Variants in TEC observed in about 807,000 individuals in gnomAD.
TEC encodes the protein tec protein tyrosine kinase, also known as tyrosine-protein kinase Tec.
In TEC, 72 loss-of-function variants were observed where a neutral mutation model predicts 93.0. That is an observed-to-expected ratio of 0.77 (90% CI 0.64 to 0.94). TEC has a LOEUF of 0.94. Among genes scored for constraint, TEC ranks in the 40% least tolerant of loss-of-function variants. The pLI, the probability that TEC is intolerant of heterozygous loss-of-function variation, is 0.00. For missense variants in TEC, 630 were observed against 757.9 expected (o/e 0.83, Z 1.98); for synonymous variants, 249 against 247.7 (o/e 1.01, Z -0.05).
At chr4:48,143,932 A>G (rs1464271869) in intron 14 of TEC, among the ~76,000 whole-genome samples, 1 of 152,236 alleles carries the variant, frequency 6.6e-6, no homozygotes, top group Non-Finnish European at 1.5e-5. Context: ...ACTTTAAAAA[A>G]TGTTTTGCTA....
chr4:48,159,477 C>G (rs1169452359), intron 8 of TEC, among the ~76,000 whole-genome samples: 1 of 152,150 alleles, frequency 6.6e-6, no homozygotes, highest in Non-Finnish European at 1.5e-5. Context: ...ACTGCAACCT[C>G]CACCTCCTGG....
At position 48,167,875 on chromosome 4, in the gene TEC, C is replaced by T. The variant is rs1407485278; in HGVS notation, c.574G>A (p.Ala192Thr). 2.5e-6 allele frequency: 4 copies of T among 1,613,744 alleles called. No homozygotes were observed. The highest frequency in any genetic ancestry group is 3.4e-6 in the Non-Finnish European group (4 of 1,179,904). The change falls in exon 7 of 18, where the codon GCA becomes ACA. Residue 192 changes from alanine (A) to threonine (T), a missense_variant. By Grantham distance (58) the Ala-to-Thr change is moderately conservative. Coordinates refer to ENST00000381501, the MANE Select transcript of TEC (RefSeq NM_003215.3). ...AATCTGAGATCATGTCCTTCTGCTG[C>T]TTGGAAATCATACATGGCTACAACG... ...EIVVAMYDFQ[A>T]AEGHDLRLER... is the part of the protein sequence containing the mutation.
chr4:48,168,457 A>G (rs1471365287), intron 6 of TEC, 129 bp downstream of exon 6: 2 of 949,770 alleles, frequency 2.1e-6, no homozygotes, highest in Non-Finnish European at 3.2e-6. Context: ...TTCTGAGACG[A>G]TCCTAGGGAA....
At chr4:48,143,362 C>G (rs563244809) in intron 14 of TEC, among the ~76,000 whole-genome samples, 3 of 152,154 alleles carry the variant, frequency 2.0e-5, no homozygotes, top group African/African-American at 7.2e-5. Flanking sequence ...GCCACACCCA[C>G]GTAGATACTC....
intron 2 of TEC, among the ~76,000 whole-genome samples, chr4:48,223,030 T>A (rs557521375): frequency 2.0e-5 from 3 of 152,154 alleles, no homozygotes; most frequent in African/African-American, 4.8e-5. Context: ...ACAGATCAGA[T>A]GTGTGTTGGG....
intron 1 of TEC, among the ~76,000 whole-genome samples, chr4:48,237,486 TGA>T (rs1220391343): frequency 6.6e-6 from 1 of 152,010 alleles, no homozygotes; most frequent in Non-Finnish European, 1.5e-5. Flanking sequence ...AAAGTGACTG[TGA>T]GTTACCAAAT....
intron 2 of TEC, among the ~76,000 whole-genome samples, chr4:48,215,786 TAG>T (rs1723058284): frequency 2.0e-5 from 3 of 152,162 alleles, no homozygotes; most frequent in African/African-American, 7.2e-5. Flanking sequence ...TGTATAGAAT[TAG>T]AGTCCTTATC....
At chr4:48,149,491 A>G (rs757157796) in intron 11 of TEC, 66 bp downstream of exon 11, 37 of 1,432,060 alleles carry the variant, frequency 2.6e-5, no homozygotes, top group Non-Finnish European at 3.4e-5. Flanking sequence ...TCAAGGAATT[A>G]ATCACAGTAT....
chr4:48,187,293 C>T (rs1026756469), intron 2 of TEC, among the ~76,000 whole-genome samples: 3 of 152,124 alleles, frequency 2.0e-5, no homozygotes, highest in Admixed American at 6.5e-5. Flanking sequence ...ACAAACATTG[C>T]GGAAGGCCGC....
chr4:48,245,815 A>G (rs1359243136), intron 1 of TEC, among the ~76,000 whole-genome samples: 1 of 152,200 alleles, frequency 6.6e-6, no homozygotes, highest in Non-Finnish European at 1.5e-5. Context: ...GCTACATTAA[A>G]AACATTTACT....
At chr4:48,187,024 G>A (rs4695353) in intron 2 of TEC, among the ~76,000 whole-genome samples, 3,453 of 152,368 alleles carry the variant, frequency 0.023, 144 homozygotes, top group African/African-American at 0.08. Flanking sequence ...AGAGAGATCA[G>A]ATTGTTACTG....
At chr4:48,171,777 A>G (rs73244493) in intron 3 of TEC, among the ~76,000 whole-genome samples, 15 of 152,370 alleles carry the variant, frequency 9.8e-5, no homozygotes, top group Non-Finnish European at 2.1e-4. Context: ...ATAATATTTT[A>G]GATGAATGGA....
intron 2 of TEC, among the ~76,000 whole-genome samples, chr4:48,203,906 T>C (rs936228417): frequency 1.3e-5 from 2 of 152,172 alleles, no homozygotes; most frequent in Non-Finnish European, 2.9e-5. Context: ...GAGCTGAGTA[T>C]CCATGGGAAT....
intron 1 of TEC, among the ~76,000 whole-genome samples, chr4:48,231,798 G>A (rs965270060): frequency 5.9e-5 from 9 of 152,084 alleles, no homozygotes; most frequent in Non-Finnish European, 8.8e-5. Context: ...AAGAGCAAGC[G>A]ATGCTCTCAT....
At chr4:48,265,395 G>GTATATATA (rs1241380884) in intron 1 of TEC, among the ~76,000 whole-genome samples, 65 of 146,234 alleles carry the variant, frequency 4.4e-4, no homozygotes, top group East Asian at 4.4e-3. Flanking sequence ...ATATGTGTGT[G>GTATATATA]TATATGTATA....
At chr4:48,184,906 A>T (rs535203314) in intron 2 of TEC, among the ~76,000 whole-genome samples, 2 of 152,324 alleles carry the variant, frequency 1.3e-5, no homozygotes, top group South Asian at 4.1e-4. Context: ...CCTGTGGCTA[A>T]CATTCATTGC....
At chr4:48,183,729 C>T (rs777857019) in intron 2 of TEC, among the ~76,000 whole-genome samples, 1 of 152,182 alleles carries the variant, frequency 6.6e-6, no homozygotes, top group East Asian at 1.9e-4. Flanking sequence ...TGTGGGACTT[C>T]TCAGCCTCCA....
chr4:48,223,188 A>G (rs1723322941), intron 2 of TEC, among the ~76,000 whole-genome samples: 2 of 152,372 alleles, frequency 1.3e-5, no homozygotes, highest in South Asian at 2.1e-4. Context: ...ATTATTTTAT[A>G]AAGTCCAATG....
chr4:48,141,642 A>T, intron 14 of TEC: 6 of 452,656 alleles, frequency 1.3e-5, no homozygotes, highest in South Asian at 3.7e-5. Flanking sequence ...ATAAGGCATT[A>T]TTACATAATC....
Sources: gnomAD v4.1 joint callset for allele counts (sites outside exome capture counted in the v4.1 genomes callset) on GRCh38, gnomAD v4.1.1 for gene constraint, MANE v1.5 for transcripts, NCBI Gene and HGNC (gene_info 2026-07-23, HGNC 2026-07-21) for gene names.